The following FRK variants were observed in gnomAD, a reference collection of about 807,000 sequenced individuals.
FRK encodes the protein tyrosine-protein kinase FRK.
FRK carries 51 observed loss-of-function variants against 56.4 expected under a neutral mutation model. That is an observed-to-expected ratio of 0.90 (90% CI 0.72 to 1.14). The LOEUF (loss-of-function observed/expected upper bound fraction) is 1.14, where lower values mean the gene tolerates loss of function less well. FRK is among the 50% of genes most tolerant of loss of function. The pLI, the probability that FRK is intolerant of heterozygous loss-of-function variation, is 0.00. For synonymous variants in FRK, 245 were observed against 217.9 expected (o/e 1.12, Z -1.10); for missense variants, 570 against 601.4 (o/e 0.95, Z 0.55).
chr6:116,054,497 A>G (rs192262882), intron 1 of FRK, among the ~76,000 whole-genome samples: 8 of 142,604 alleles, frequency 5.6e-5, no homozygotes, highest in Admixed American at 3.6e-4. Context: ...AGTATATTAT[A>G]CTATTATAAT....
chr6:116,002,787 C>T (rs979784289), intron 2 of FRK: 4 of 441,300 alleles, frequency 9.1e-6, no homozygotes, highest in African/African-American at 4.0e-5. Context: ...TACGGACCCT[C>T]GGCAACACCT....
chr6:115,970,076 G>A (rs946262936), intron 2 of FRK, among the ~76,000 whole-genome samples: 25 of 151,584 alleles, frequency 1.6e-4, no homozygotes, highest in Non-Finnish European at 2.9e-4. Context: ...TGATAGGAAA[G>A]AAGACATCCC....
the FRK span, among the ~76,000 whole-genome samples, chr6:116,078,448 T>C: frequency 1.3e-5 from 2 of 152,196 alleles, no homozygotes; most frequent in African/African-American, 4.8e-5. Flanking sequence ...GAGCTTGGGA[T>C]GGACACATAG....
chr6:116,076,439 A>C, the FRK span, among the ~76,000 whole-genome samples: 1 of 152,224 alleles, frequency 6.6e-6, no homozygotes, highest in Admixed American at 6.5e-5. Flanking sequence ...TGATTTTAAA[A>C]ATGATTTCAC....
At chr6:115,944,194 T>A in intron 6 of FRK, 50 bp downstream of exon 6, 1 of 1,455,226 alleles carries the variant, frequency 6.9e-7, no homozygotes, top group Non-Finnish European at 9.4e-7. Flanking sequence ...CTACTAACTG[T>A]TAGACTTTTG....
At chr6:116,025,650 AC>A (rs1267261102) in intron 1 of FRK, among the ~76,000 whole-genome samples, 2 of 152,188 alleles carry the variant, frequency 1.3e-5, no homozygotes, top group African/African-American at 4.8e-5. Flanking sequence ...TTATTAGAAG[AC>A]CTAAAAGCAC....
chr6:115,942,660 A>G (rs774411960), intron 7 of FRK, 35 bp from the exon 8 acceptor site: 1 of 1,560,292 alleles, frequency 6.4e-7, no homozygotes, highest in Non-Finnish European at 8.8e-7. Context: ...CAACAACAAA[A>G]AAAACAAGTT....
the FRK span, among the ~76,000 whole-genome samples, chr6:116,068,847 AC>A: frequency 3.3e-5 from 5 of 151,938 alleles, no homozygotes; most frequent in African/African-American, 1.2e-4. Flanking sequence ...AAAAAAAAAA[AC>A]TTTTTAAAGC....
chr6:116,070,085 C>A, the FRK span, among the ~76,000 whole-genome samples: 4 of 150,600 alleles, frequency 2.7e-5, no homozygotes, highest in Non-Finnish European at 5.9e-5. Context: ...TTTTAAAGAC[C>A]AACTTATCTA....
intron 2 of FRK, among the ~76,000 whole-genome samples, chr6:116,001,691 T>G (rs1411298228): frequency 1.3e-5 from 2 of 152,196 alleles, no homozygotes; most frequent in Non-Finnish European, 2.9e-5. Context: ...TGAAACTGAC[T>G]GGGAACCTGG....
intron 4 of FRK, among the ~76,000 whole-genome samples, chr6:115,958,651 A>AGAAG (rs1773126762): frequency 4.7e-4 from 1 of 2,108 alleles, no homozygotes; most frequent in African/African-American, 1.6e-3. Context: ...AAGAAAAGAA[A>AGAAG]GAAAGAAAGA....
At chr6:116,045,084 G>A (rs534778513) in intron 1 of FRK, among the ~76,000 whole-genome samples, 2 of 152,248 alleles carry the variant, frequency 1.3e-5, no homozygotes, top group East Asian at 3.9e-4. Flanking sequence ...AATAAGAGAG[G>A]ACACAAACAA....
chr6:115,988,471 AC>A (rs1774468112), intron 2 of FRK, among the ~76,000 whole-genome samples: 1 of 152,072 alleles, frequency 6.6e-6, no homozygotes, highest in South Asian at 2.1e-4. Context: ...TTTAAATTGT[AC>A]ATTTGTTTTC....
the FRK span, among the ~76,000 whole-genome samples, chr6:116,080,133 A>C: frequency 6.6e-6 from 1 of 152,110 alleles, no homozygotes; most frequent in Non-Finnish European, 1.5e-5. Flanking sequence ...TATAAGAAAA[A>C]TGTTTTTAAA....
intron 5 of FRK, among the ~76,000 whole-genome samples, chr6:115,949,133 T>C (rs1356076184): frequency 6.6e-6 from 1 of 152,236 alleles, no homozygotes; most frequent in Non-Finnish European, 1.5e-5. Context: ...CACATTGATT[T>C]TGTATCCTGA....
At chr6:116,094,308 C>G in the FRK span, among the ~76,000 whole-genome samples, 2 of 152,172 alleles carry the variant, frequency 1.3e-5, no homozygotes, top group African/African-American at 2.4e-5. Context: ...TGTCATAACC[C>G]TCACTGAGCC....
At chr6:116,039,010 G>A in intron 1 of FRK, 2 of 731,316 alleles carry the variant, frequency 2.7e-6, no homozygotes, top group Admixed American at 3.5e-5. Context: ...ATCAAAGACT[G>A]CAAAGCCAAT....
chr6:115,972,449 GCAC>G lies in FRK; in HGVS notation c.467-3713_467-3711del, dbSNP rs146626966. Among the ~76,000 whole-genome samples the G allele has an allele frequency of 3.0e-3, 462 of 152,256 alleles. 2 individuals carry two copies. The highest frequency in any genetic ancestry group is 0.02 in the Middle Eastern group (6 of 294). ...TAGCTCTCAGAGTGGCCTTCCTGAA[GCAC>G]CCTCTCACTAGGTTTGGGGTCCCAT... On this transcript the variant is annotated intron_variant, in intron 2 of 7. Coordinates refer to ENST00000606080, the MANE Select transcript of FRK (RefSeq NM_002031.3).
rs541261678 is a variant in FRK at position 116,042,267 on chromosome 6, A to G, written c.344+17701T>C. Among the ~76,000 whole-genome samples, 19 of 152,176 alleles carry G rather than the reference A, an allele frequency of 1.2e-4. No individual in the cohort carries two copies. The South Asian group carries it at 3.7e-3, about 30-fold the overall frequency. ...CCCCAATCAGGGGCTTATAGATAAA[A>G]TTCCCATCTCCCTAGGACAGAACAC... On this transcript the variant is annotated intron_variant, in intron 1 of 7. Transcript: ENST00000606080.
Sources: allele counts gnomAD v4.1 joint callset (sites outside exome capture counted in the v4.1 genomes callset), GRCh38; gene constraint gnomAD v4.1.1; transcripts MANE v1.5; gene names NCBI Gene and HGNC (gene_info 2026-07-23, HGNC 2026-07-21).